Variants in ERGIC2 observed in about 807,000 individuals in gnomAD.
The protein encoded by ERGIC2 is endoplasmic reticulum-Golgi intermediate compartment protein 2.
ERGIC2 carries 31 observed loss-of-function variants against 52.5 expected under a neutral mutation model. That is an observed-to-expected ratio of 0.59 (90% CI 0.44 to 0.80). ERGIC2 has a LOEUF of 0.80. ERGIC2 is among the 30% of genes least tolerant of loss of function. ERGIC2 has a pLI of 0.00. For synonymous variants in ERGIC2, 129 were observed against 140.6 expected, an observed-to-expected ratio of 0.92 and a Z score of 0.58; for missense variants, 395 against 455.2, an observed-to-expected ratio of 0.87 and a Z score of 1.20.
At chr12:29,363,300 T>C (rs1940311646) in intron 5 of ERGIC2, among the ~76,000 whole-genome samples, 1 of 152,144 alleles carries the variant, frequency 6.6e-6, no homozygotes, top group South Asian at 2.1e-4. Context: ...TGATCATGGC[T>C]TGTAAACTAG....
At chr12:29,368,346 T>C (rs1940393169) in intron 3 of ERGIC2, 59 bp from the exon 4 acceptor site, 5 of 901,864 alleles carry the variant, frequency 5.5e-6, no homozygotes, top group South Asian at 4.4e-5. Flanking sequence ...ACATGAGAAA[T>C]ATAAATCAAC....
chr12:29,360,383 A>G (rs1007671788), intron 6 of ERGIC2, among the ~76,000 whole-genome samples: 10 of 151,242 alleles, frequency 6.6e-5, no homozygotes, highest in African/African-American at 2.2e-4. Context: ...AGACCATTAT[A>G]TATATAGAAA....
intron 8 of ERGIC2, among the ~76,000 whole-genome samples, chr12:29,351,894 T>C (rs1439958690): frequency 1.3e-5 from 2 of 152,208 alleles, no homozygotes; most frequent in African/African-American, 2.4e-5. Flanking sequence ...AATATTGTGA[T>C]GAATGCTCAA....
At chr12:29,363,806 A>G (rs1321178086) in intron 5 of ERGIC2, among the ~76,000 whole-genome samples, 1 of 151,270 alleles carries the variant, frequency 6.6e-6, no homozygotes, top group Non-Finnish European at 1.5e-5. Context: ...GGGGAAAAAA[A>G]AAGATAGCAT....
rs776701035 is a variant in ERGIC2 at position 29,343,089 on chromosome 12, GA to G, written c.988+30del. 23 of 1,531,460 alleles carry G rather than the reference GA, an allele frequency of 1.5e-5. No homozygotes were observed. The African/African-American group carries it at 2.6e-4, about 17-fold the overall frequency. 94.9% of individuals were successfully genotyped at this position (1,531,460 alleles called of 1,614,324 possible). A position where few individuals can be genotyped will look rare whatever the true frequency, so the allele number is the denominator to read the frequency against. ...AACTTAAGTATAAGCAACACTTTCAGAAATTAGACAAAAAGGAAATGGTTGT... is the reference window on the plus strand; with the variant it reads ...AACTTAAGTATAAGCAACACTTTCAGAATTAGACAAAAAGGAAATGGTTGT... On this transcript the variant is annotated intron_variant, in intron 12 of 13. Transcript: ENST00000360150.
At chr12:29,349,010 G>C in intron 10 of ERGIC2, 69 bp downstream of exon 10, 1 of 727,016 alleles carries the variant, frequency 1.4e-6, no homozygotes, top group Non-Finnish European at 2.3e-6. Context: ...CATTAAAAAT[G>C]TATTAATATT....
At chr12:29,359,286 T>C (rs1021624365) in intron 6 of ERGIC2, among the ~76,000 whole-genome samples, 1 of 152,004 alleles carries the variant, frequency 6.6e-6, no homozygotes, top group Non-Finnish European at 1.5e-5. Flanking sequence ...GAAATGGAAA[T>C]CTTCACTTTT....
chr12:29,341,425 GGT>G (rs1949839328), intron 13 of ERGIC2, among the ~76,000 whole-genome samples: 1 of 151,946 alleles, frequency 6.6e-6, no homozygotes, highest in Non-Finnish European at 1.5e-5. Flanking sequence ...GGAGTGCAGT[GGT>G]ACGTACGATC....
intron 10 of ERGIC2, among the ~76,000 whole-genome samples, chr12:29,348,510 G>A (rs1032542741): frequency 1.3e-5 from 2 of 151,888 alleles, no homozygotes; most frequent in Non-Finnish European, 2.9e-5. Flanking sequence ...TCCATATTTG[G>A]ATAGACTTGA....
intron 5 of ERGIC2, among the ~76,000 whole-genome samples, chr12:29,364,134 A>G (rs1940323984): frequency 1.3e-5 from 2 of 152,168 alleles, no homozygotes; most frequent in South Asian, 4.1e-4. Flanking sequence ...ACCCATGTGA[A>G]AGGGATTTTC....
intron 8 of ERGIC2, among the ~76,000 whole-genome samples, chr12:29,354,419 C>A (rs1940174481): frequency 6.6e-6 from 1 of 152,178 alleles, no homozygotes; most frequent in South Asian, 2.1e-4. Context: ...CTTAAAAATT[C>A]TACATATAAG....
Position 29,341,788 on chromosome 12 carries a change from T to C in ERGIC2, c.1017A>G (p.Ile339Met), listed in dbSNP as rs778715145. ...TGMLHGIGKF[I>M]VEIICCRFRL... Reference sequence around the variant, plus strand: ...TGAAACGACAGCAAATTATTTCAACTATAAATTTTCCAATTCCATGTAACA... The same window carrying C: ...TGAAACGACAGCAAATTATTTCAACCATAAATTTTCCAATTCCATGTAACA... Residue 339 changes from isoleucine to methionine, a missense_variant, in exon 13 of 14, where the codon ATA becomes ATG. By Grantham distance (10) the Ile-to-Met change is conservative. Coordinates refer to ENST00000360150, the MANE Select transcript of ERGIC2 (RefSeq NM_016570.3). 6.3e-7 allele frequency: 1 copy of C among 1,598,638 alleles called. No homozygotes were observed. The highest frequency in any genetic ancestry group is 1.1e-5 in the South Asian group (1 of 90,706).
At chr12:29,381,008 GGAA>G (rs530486804) in intron 1 of ERGIC2, 104 bp downstream of exon 1, 30 of 152,390 alleles carry the variant, frequency 2.0e-4, no homozygotes, top group African/African-American at 6.5e-4. Context: ...AATGAAGACA[GGAA>G]GCCAAGCCCA....
At chr12:29,348,296 T>C (rs1327127714) in intron 10 of ERGIC2, among the ~76,000 whole-genome samples, 1 of 152,092 alleles carries the variant, frequency 6.6e-6, no homozygotes, top group Non-Finnish European at 1.5e-5. Flanking sequence ...TTAATAAATC[T>C]ACTTAAATTA....
At chr12:29,379,035 A>C (rs2136886541) in intron 1 of ERGIC2, among the ~76,000 whole-genome samples, 1 of 152,320 alleles carries the variant, frequency 6.6e-6, no homozygotes, top group Non-Finnish European at 1.5e-5. Context: ...GTTAGTTGAC[A>C]ATCTCCTGAA....
intron 8 of ERGIC2, 31 bp downstream of exon 8, chr12:29,356,351 A>G (rs1420194252): frequency 2.3e-6 from 3 of 1,285,762 alleles, no homozygotes; most frequent in Non-Finnish European, 3.4e-6. Flanking sequence ...AACTTTGTCT[A>G]AAGTATTTTC....
intron 8 of ERGIC2, among the ~76,000 whole-genome samples, chr12:29,355,962 T>G (rs145355591): frequency 0.011 from 1,748 of 152,276 alleles, 41 homozygotes; most frequent in African/African-American, 0.04. Flanking sequence ...TAAAAATATA[T>G]GTACACAATA....
At chr12:29,363,142 A>G (rs1260870594) in intron 5 of ERGIC2, among the ~76,000 whole-genome samples, 1 of 152,184 alleles carries the variant, frequency 6.6e-6, no homozygotes, top group Non-Finnish European at 1.5e-5. Context: ...CAAACTTTCC[A>G]AAATCACAGA....
At chr12:29,370,419 T>C (rs1940425519) in intron 2 of ERGIC2, among the ~76,000 whole-genome samples, 197 bp from the exon 3 acceptor site, 2 of 151,936 alleles carry the variant, frequency 1.3e-5, no homozygotes, top group South Asian at 4.1e-4. Flanking sequence ...AAAGTTAAGG[T>C]TTAATATATA....
Sources: allele counts gnomAD v4.1 joint callset (sites outside exome capture counted in the v4.1 genomes callset), GRCh38; gene constraint gnomAD v4.1.1; transcripts MANE v1.5; gene names NCBI Gene and HGNC (gene_info 2026-07-23, HGNC 2026-07-21).